The following RUBCNL variants were observed in gnomAD, a reference collection of about 807,000 sequenced individuals.
RUBCNL encodes the protein rubicon like autophagy enhancer.
Under a neutral mutation model 69.5 loss-of-function variants are expected in RUBCNL, and 62 were observed. The observed-to-expected ratio is 0.89, with a 90% CI of 0.73 to 1.10. RUBCNL has a LOEUF of 1.10. RUBCNL is among the 50% of genes least tolerant of loss of function. The pLI, the probability that RUBCNL is intolerant of heterozygous loss-of-function variation, is 0.00. For synonymous variants in RUBCNL, 291 were observed against 303.6 expected, an observed-to-expected ratio of 0.96 and a Z score of 0.43; for missense variants, 768 against 798.1, an observed-to-expected ratio of 0.96 and a Z score of 0.45.
chr13:46,359,834 G>A (rs1030687344), intron 8 of RUBCNL, among the ~76,000 whole-genome samples: 3 of 152,126 alleles, frequency 2.0e-5, no homozygotes, highest in African/African-American at 7.2e-5. Flanking sequence ...CCACCCAGAT[G>A]AGATCACTTT....
chr13:46,343,257 G>A lies in RUBCNL; in HGVS notation c.*128C>T. On this transcript the variant is annotated 3_prime_UTR_variant, in exon 15 of 15. Coordinates refer to ENST00000429979, the MANE Select transcript of RUBCNL (RefSeq NM_025113.5). ...TGAAACATTAAGTATATGCAATAAA[G>A]AGAATATAGACCATCTTTTTCCTTA... 7.1e-7 allele frequency: 1 copy of A among 1,401,132 alleles called. No homozygotes were observed. The highest frequency in any genetic ancestry group is 9.8e-7 in the Non-Finnish European group (1 of 1,022,518). 86.8% of individuals were successfully genotyped at this position (1,401,132 alleles called of 1,614,324 possible).
At chr13:46,362,475 T>G (rs2138752561) in intron 7 of RUBCNL, 63 bp downstream of exon 7, 1 of 1,104,530 alleles carries the variant, frequency 9.1e-7, no homozygotes, top group East Asian at 2.6e-5. Context: ...AGGCCTAGGT[T>G]TCACACTGCC....
intron 1 of RUBCNL, among the ~76,000 whole-genome samples, chr13:46,381,818 G>A (rs554436205): frequency 6.6e-6 from 1 of 152,252 alleles, no homozygotes; most frequent in Non-Finnish European, 1.5e-5. Flanking sequence ...CTGACCTCAG[G>A]TGATCTGCCC....
intron 4 of RUBCNL, 149 bp from the exon 5 acceptor site, chr13:46,368,398 C>G: frequency 7.0e-7 from 1 of 1,429,770 alleles, no homozygotes; most frequent in Non-Finnish European, 9.2e-7. Flanking sequence ...ATAGGTCACT[C>G]TATGACTTAT....
In RUBCNL at chr13:46,336,723, G is replaced by C. The variant is rs1318835447; in HGVS notation, c.*6662C>G. On this transcript the variant is annotated 3_prime_UTR_variant, in exon 15 of 15. Coordinates refer to ENST00000429979, the MANE Select transcript of RUBCNL (RefSeq NM_025113.5). Reference sequence around the variant, plus strand: ...TGGGTAGAATGGTTGAGATGGAAATGCTATTGTTGTAGGTAAAGGAAGAAA... The same window carrying C: ...TGGGTAGAATGGTTGAGATGGAAATCCTATTGTTGTAGGTAAAGGAAGAAA... Among the ~76,000 whole-genome samples the C allele has an allele frequency of 6.6e-6, 1 of 152,116 alleles. No homozygotes were observed. Among genetic ancestry groups the C allele is most frequent in the Non-Finnish European group, 1.5e-5 (1 of 68,032 alleles).
intron 8 of RUBCNL, among the ~76,000 whole-genome samples, chr13:46,360,576 C>A (rs2048588699): frequency 6.6e-6 from 1 of 152,210 alleles, no homozygotes; most frequent in South Asian, 2.1e-4. Context: ...CCCAACCTTT[C>A]TACCTGCCAC....
At chr13:46,361,391 A>G (rs2048606195) in intron 8 of RUBCNL, 50 bp downstream of exon 8, 1 of 1,602,994 alleles carries the variant, frequency 6.2e-7, no homozygotes, top group Admixed American at 1.7e-5. Flanking sequence ...GGCAGGCAAA[A>G]TGAGGATTTA....
intron 3 of RUBCNL, 88 bp downstream of exon 3, chr13:46,371,853 A>T: frequency 7.3e-7 from 1 of 1,362,844 alleles, no homozygotes. Context: ...GCATTGTCCC[A>T]TGGGGAAGAC....
chr13:46,339,094 T>C lies in RUBCNL; in HGVS notation c.*4291A>G, dbSNP rs1006862411. On this transcript the variant is annotated 3_prime_UTR_variant, in exon 15 of 15. Transcript: ENST00000429979. ...GGAAAAATACACAATTTGCTTAACC[T>C]ATGTGGTTAAGCTCTTCAATCCTCA... Among the ~76,000 whole-genome samples, 2 of 151,668 alleles carry C rather than the reference T, an allele frequency of 1.3e-5. No individual in the cohort carries two copies. The highest frequency in any genetic ancestry group is 2.4e-5 in the African/African-American group (1 of 41,290).
intron 10 of RUBCNL, chr13:46,354,754 T>C (rs781601518): frequency 1.1e-5 from 5 of 456,562 alleles, no homozygotes; most frequent in African/African-American, 4.0e-5. Flanking sequence ...TTGTGTTACA[T>C]ACACTTACTT....
Position 46,372,103 on chromosome 13 carries a change from T to C in RUBCNL, c.373A>G (p.Ser125Gly), listed in dbSNP as rs2048889500. Residue 125 changes from serine (S) to glycine (G), a missense_variant, in exon 3 of 15, where the codon AGC becomes GGC. Physicochemically the swap from Ser to Gly is moderately conservative, Grantham distance 56. Transcript: ENST00000429979. ...TCTGTTGAGGACAGAGAGAAGCTGC[T>C]ACTCTTTTCACTCGAGCCATGGGGA... is the stretch of plus-strand genomic sequence containing the variant. ...ASPHGSSEKS[S>G]SFSLSSTEVH... 3 of 1,613,978 alleles carry C rather than the reference T, an allele frequency of 1.9e-6. No homozygotes were observed. Among genetic ancestry groups the C allele is most frequent in the East Asian group, 4.5e-5 (2 of 44,878 alleles).
rs182240168 is a variant in RUBCNL, at chr13:46,384,148, C to T, written c.-239+2986G>A. On this transcript the variant is annotated intron_variant, in intron 1 of 14. Transcript: ENST00000429979. Reference sequence around the variant, plus strand: ...CCAGATTTTTATATAAGTCATGGGACGAATAAAATGATTTAACAATTGAGC... The same window carrying T: ...CCAGATTTTTATATAAGTCATGGGATGAATAAAATGATTTAACAATTGAGC... Among the ~76,000 whole-genome samples the T allele has an allele frequency of 1.1e-3, 161 of 152,166 alleles. 2 individuals carry two copies. In the Middle Eastern group the frequency reaches 0.014, roughly 13 times the overall value.
intron 12 of RUBCNL, among the ~76,000 whole-genome samples, chr13:46,348,666 C>T (rs150907350): frequency 6.8e-5 from 10 of 147,532 alleles, no homozygotes; most frequent in Non-Finnish European, 8.9e-5. Flanking sequence ...TTCAGTGGTG[C>T]GATCTTGATT....
intron 1 of RUBCNL, among the ~76,000 whole-genome samples, chr13:46,381,635 C>T (rs962826472): frequency 2.0e-5 from 3 of 152,000 alleles, no homozygotes; most frequent in Non-Finnish European, 4.4e-5. Context: ...CAGGCTGGAG[C>T]GTAATGGTGC....
chr13:46,359,256 G>A (rs2048557615), intron 9 of RUBCNL, among the ~76,000 whole-genome samples: 1 of 150,854 alleles, frequency 6.6e-6, no homozygotes, highest in Non-Finnish European at 1.5e-5. Flanking sequence ...TTGCATAGCT[G>A]AATTCTCAAC....
rs1566058212 is a variant in RUBCNL, at chr13:46,342,139, CTGAA to C, written c.*1242_*1245del. 1 of 152,220 alleles carries C rather than the reference CTGAA, an allele frequency of 6.6e-6. No individual in the cohort carries two copies. Among genetic ancestry groups the C allele is most frequent in the Non-Finnish European group, 1.5e-5 (1 of 68,046 alleles). The allele number at this position is 152,220 out of a possible 1,614,324, so 9.4% of individuals were successfully genotyped here. ...GAAAACAATTGACAGAATGAGAAGA[CTGAA>C]TGAAAAGAGATTGACAGAAGTCATT... On this transcript the variant is annotated 3_prime_UTR_variant, in exon 15 of 15. Transcript: ENST00000429979.
chr13:46,382,911 A>T (rs920121872), intron 1 of RUBCNL, among the ~76,000 whole-genome samples: 2 of 152,248 alleles, frequency 1.3e-5, no homozygotes, highest in South Asian at 4.1e-4. Context: ...CAAGGTAAAA[A>T]AAGTTAAGTA....
At chr13:46,358,554 A>G (rs1362161848) in intron 9 of RUBCNL, among the ~76,000 whole-genome samples, 1 of 151,970 alleles carries the variant, frequency 6.6e-6, no homozygotes, top group Non-Finnish European at 1.5e-5. Flanking sequence ...ATTTTGTTAC[A>G]TTTCTTTTGT....
At chr13:46,349,779 C>T (rs948554611) in intron 11 of RUBCNL, among the ~76,000 whole-genome samples, 4 of 151,570 alleles carry the variant, frequency 2.6e-5, no homozygotes, top group Admixed American at 6.6e-5. Flanking sequence ...CGGGTTCAAG[C>T]GATTCTCCTG....
Sources: gnomAD v4.1 joint callset for allele counts (sites outside exome capture counted in the v4.1 genomes callset) on GRCh38, gnomAD v4.1.1 for gene constraint, MANE v1.5 for transcripts, NCBI Gene and HGNC (gene_info 2026-07-23, HGNC 2026-07-21) for gene names.